Variants in CTNNA2 observed in about 807,000 individuals in gnomAD.
CTNNA2 encodes catenin alpha-2.
In CTNNA2, 42 loss-of-function variants were observed where a neutral mutation model predicts 101.0. The ratio of observed to expected loss-of-function variants is 0.42; its 90% CI spans 0.32 to 0.54. CTNNA2 has a LOEUF of 0.54. Ranked by LOEUF, CTNNA2 falls within the 20% of genes least tolerant of loss-of-function variation. The pLI is 0.14. For missense variants in CTNNA2, 871 were observed against 1,223.1 expected, an observed-to-expected ratio of 0.71 and a Z score of 4.29; for synonymous variants, 450 against 456.4, an observed-to-expected ratio of 0.99 and a Z score of 0.18.
At chr2:80,261,913 A>T (rs1672639748) in intron 7 of CTNNA2, among the ~76,000 whole-genome samples, 1 of 152,182 alleles carries the variant, frequency 6.6e-6, no homozygotes, top group Non-Finnish European at 1.5e-5. Context: ...ATTGCTAATG[A>T]ACCTCTCAGT....
intron 1 of CTNNA2, among the ~76,000 whole-genome samples, chr2:79,542,348 C>A (rs1382980476): frequency 1.3e-5 from 2 of 152,114 alleles, no homozygotes. Flanking sequence ...AATAACTATT[C>A]TATTTAGTAT....
At chr2:79,480,170 A>C (rs986511528) in intron 4 of CTNNA2, among the ~76,000 whole-genome samples, 4 of 151,956 alleles carry the variant, frequency 2.6e-5, no homozygotes, top group Non-Finnish European at 2.9e-5. Context: ...CTCTCTGGGG[A>C]ACTCTCTTGA....
intron 1 of CTNNA2, among the ~76,000 whole-genome samples, chr2:79,196,532 A>G (rs998698222): frequency 1.3e-5 from 2 of 152,218 alleles, no homozygotes; most frequent in Non-Finnish European, 2.9e-5. Context: ...TTCAATCAGT[A>G]TGAGAGTCTG....
chr2:80,614,536 CTG>C (rs1354940064), intron 17 of CTNNA2, among the ~76,000 whole-genome samples: 1 of 151,300 alleles, frequency 6.6e-6, no homozygotes, highest in Admixed American at 6.6e-5. Context: ...CAAGGGATGA[CTG>C]TATCTTGGGA....
intron 4 of CTNNA2, among the ~76,000 whole-genome samples, chr2:79,495,868 C>T (rs1293162664): frequency 2.0e-5 from 3 of 152,040 alleles, no homozygotes; most frequent in Non-Finnish European, 4.4e-5. Flanking sequence ...TTACAAAAGA[C>T]TACATATATT....
intron 2 of CTNNA2, among the ~76,000 whole-genome samples, chr2:79,302,633 T>G (rs55779969): frequency 0.067 from 10,258 of 152,224 alleles, 453 homozygotes; most frequent in East Asian, 0.13. Flanking sequence ...AAGACAGGAC[T>G]GTTTTTTGAG....
chr2:79,882,290 T>C (rs1683493083), intron 6 of CTNNA2, among the ~76,000 whole-genome samples: 1 of 152,244 alleles, frequency 6.6e-6, no homozygotes, highest in Non-Finnish European at 1.5e-5. Flanking sequence ...TATCTTGGGG[T>C]TGATTTTCTC....
chr2:80,446,806 G>C (rs895277105), intron 9 of CTNNA2, among the ~76,000 whole-genome samples: 1 of 151,976 alleles, frequency 6.6e-6, no homozygotes. Context: ...AAAACTAAAG[G>C]CCTGTCAGTA....
At position 79,496,284 on chromosome 2, in the gene CTNNA2, C is replaced by A. The variant is rs189881320; in HGVS notation, c.-134-8770C>A. On this transcript the variant is annotated intron_variant, in intron 4 of 21. Coordinates refer to the CTNNA2 transcript ENST00000466387. ...TCATATTTTTCTTAATATGAATATTCTAACTTTTTAAATTAGTTTTTGTCA... is the reference window on the plus strand; with the variant it reads ...TCATATTTTTCTTAATATGAATATTATAACTTTTTAAATTAGTTTTTGTCA... Among the ~76,000 whole-genome samples, 178 of 151,946 alleles carry A rather than the reference C, an allele frequency of 1.2e-3. 4 individuals are homozygous for A. In the East Asian group the frequency reaches 0.031, roughly 27 times the overall value.
intron 2 of CTNNA2, among the ~76,000 whole-genome samples, chr2:79,742,889 C>G (rs1315781843): frequency 6.6e-6 from 1 of 152,200 alleles, no homozygotes; most frequent in Non-Finnish European, 1.5e-5. Context: ...CTAATCACCT[C>G]TTAAGTATTG....
intron 7 of CTNNA2, among the ~76,000 whole-genome samples, chr2:80,209,497 A>G (rs1166797785): frequency 6.6e-6 from 1 of 151,946 alleles, no homozygotes; most frequent in Admixed American, 6.6e-5. Context: ...TGCCCAGAGT[A>G]TTTTTATTGT....
rs1048447562 is a variant in CTNNA2, at chr2:79,846,281, A to T, written c.299-11732A>T. 2.6e-5 allele frequency among the ~76,000 whole-genome samples: 4 copies of T among 152,356 alleles called. No homozygotes were observed. The East Asian group carries it at 5.8e-4, about 22-fold the overall frequency. On this transcript the variant is annotated intron_variant, in intron 3 of 18. Transcript: ENST00000402739. ...TTTGTTTAGCCAAAGACTCCTTTAG[A>T]AAAAGCTAGATTGACTTCTTATTTT...
chr2:80,075,611 TGTATAAATATAAATATTTATAC>T (rs1698650620), intron 7 of CTNNA2, among the ~76,000 whole-genome samples: 1 of 104,034 alleles, frequency 9.6e-6, no homozygotes, highest in Non-Finnish European at 1.8e-5. Flanking sequence ...TATTTATACA[TGTATAAATATAAATATTTATAC>T]ATGTATAAAT....
intron 7 of CTNNA2, among the ~76,000 whole-genome samples, chr2:80,351,598 G>A (rs1023538229): frequency 6.6e-6 from 1 of 152,136 alleles, no homozygotes; most frequent in South Asian, 2.1e-4. Context: ...CTAACTGCCT[G>A]GGTGATTTGG....
intron 8 of CTNNA2, among the ~76,000 whole-genome samples, chr2:80,405,738 G>A (rs1028753393): frequency 1.3e-5 from 2 of 152,158 alleles, no homozygotes; most frequent in Non-Finnish European, 2.9e-5. Context: ...TGCATTCATT[G>A]AGAAATGGTT....
intron 1 of CTNNA2, among the ~76,000 whole-genome samples, chr2:79,530,388 G>A (rs1404772962): frequency 1.3e-5 from 2 of 152,050 alleles, no homozygotes; most frequent in African/African-American, 4.8e-5. Flanking sequence ...ATAGTTTATC[G>A]ATAAAAAGGA....
intron 7 of CTNNA2, among the ~76,000 whole-genome samples, chr2:80,157,166 G>A (rs1290198758): frequency 6.6e-6 from 1 of 151,952 alleles, no homozygotes; most frequent in African/African-American, 2.4e-5. Flanking sequence ...TTCATCTCAG[G>A]GTAGAAAAAT....
At chr2:80,067,058 T>C (rs1698033612) in intron 7 of CTNNA2, among the ~76,000 whole-genome samples, 1 of 152,108 alleles carries the variant, frequency 6.6e-6, no homozygotes, top group African/African-American at 2.4e-5. Flanking sequence ...AAGCAGAGAA[T>C]AGAATGATGA....
chr2:79,601,183 T>G (rs955069399), intron 1 of CTNNA2, among the ~76,000 whole-genome samples: 1 of 152,202 alleles, frequency 6.6e-6, no homozygotes, highest in Non-Finnish European at 1.5e-5. Flanking sequence ...AAATGTACAT[T>G]TCCAGGAGGT....
Sources: gnomAD v4.1 joint callset for allele counts (sites outside exome capture counted in the v4.1 genomes callset) on GRCh38, gnomAD v4.1.1 for gene constraint, MANE v1.5 for transcripts, NCBI Gene and HGNC (gene_info 2026-07-23, HGNC 2026-07-21) for gene names.